Variants in GABRG3 observed in about 807,000 individuals in gnomAD.
GABRG3 encodes the protein gamma-aminobutyric acid receptor subunit gamma-3.
In GABRG3, 25 loss-of-function variants were observed where a neutral mutation model predicts 48.8. The observed-to-expected ratio is 0.51, with a 90% CI of 0.37 to 0.72. The LOEUF is 0.72. Among genes scored for constraint, GABRG3 ranks in the 30% least tolerant of loss-of-function variants. The pLI, the probability that GABRG3 is intolerant of heterozygous loss-of-function variation, is 0.00. For synonymous variants in GABRG3, 227 were observed against 217.6 expected (o/e 1.04, Z -0.38); for missense variants, 394 against 577.9 (o/e 0.68, Z 3.26).
At chr15:27,178,588 A>G (rs956205224) in intron 3 of GABRG3, among the ~76,000 whole-genome samples, 2 of 152,250 alleles carry the variant, frequency 1.3e-5, no homozygotes, top group Non-Finnish European at 2.9e-5. Flanking sequence ...TTTAACATGT[A>G]TATACAATAA....
intron 5 of GABRG3, among the ~76,000 whole-genome samples, chr15:27,459,831 G>GT (rs1889395666): frequency 6.6e-6 from 1 of 152,110 alleles, no homozygotes. Context: ...ATTTTCAGAA[G>GT]TTTTTCCCTC....
At chr15:27,413,363 T>A (rs940751033) in intron 5 of GABRG3, among the ~76,000 whole-genome samples, 15 of 152,158 alleles carry the variant, frequency 9.9e-5, no homozygotes, top group Non-Finnish European at 2.1e-4. Context: ...TAAGGTCAAT[T>A]AGAGTAAAAC....
At chr15:27,022,509 C>T (rs1451300736) in intron 2 of GABRG3, among the ~76,000 whole-genome samples, 1 of 152,172 alleles carries the variant, frequency 6.6e-6, no homozygotes, top group Non-Finnish European at 1.5e-5. Context: ...TAGCAGGAAT[C>T]TTGTACTATA....
At chr15:27,149,685 A>G (rs548224844) in intron 3 of GABRG3, among the ~76,000 whole-genome samples, 2 of 152,304 alleles carry the variant, frequency 1.3e-5, no homozygotes, top group East Asian at 3.9e-4. Flanking sequence ...AAACTCTTAC[A>G]TTTATGGTTG....
In GABRG3 at chr15:27,352,096, GATGTGTGTA is replaced by G. The variant is rs1894638474; in HGVS notation, c.574+23209_574+23217del. Among the ~76,000 whole-genome samples, 1 of 147,960 alleles carries G rather than the reference GATGTGTGTA, an allele frequency of 6.8e-6. No homozygotes were observed. The highest frequency in any genetic ancestry group is 1.5e-5 in the Non-Finnish European group (1 of 66,706). ...GTGTGTATGGTGCATGTGTGTGTATGATGTGTGTATGTATGGTGTGTGTGTATGTATGAT... is the reference window on the plus strand; with the variant it reads ...GTGTGTATGGTGCATGTGTGTGTATGTGTATGGTGTGTGTGTATGTATGAT... On this transcript the variant is annotated intron_variant, in intron 5 of 9. Transcript: ENST00000615808. The surrounding 1 kb of genome is among the most constrained non-coding windows in gnomAD (Gnocchi z 4.0).
At chr15:27,090,213 T>C (rs1420037887) in intron 3 of GABRG3, among the ~76,000 whole-genome samples, 3 of 152,252 alleles carry the variant, frequency 2.0e-5, no homozygotes, top group Non-Finnish European at 4.4e-5. Context: ...TTATAAAGTA[T>C]GTTTTGTGTT....
At chr15:27,238,006 G>A (rs1890026429) in intron 3 of GABRG3, among the ~76,000 whole-genome samples, 1 of 152,238 alleles carries the variant, frequency 6.6e-6, no homozygotes, top group Non-Finnish European at 1.5e-5. Flanking sequence ...AGGAGAAGGT[G>A]AGAAGAAGAG....
At chr15:27,252,689 A>G (rs572352323) in intron 3 of GABRG3, among the ~76,000 whole-genome samples, 234 of 152,104 alleles carry the variant, frequency 1.5e-3, no homozygotes, top group African/African-American at 5.1e-3. Flanking sequence ...GAGAGAGGGC[A>G]CCTCCCACCT....
intron 3 of GABRG3, among the ~76,000 whole-genome samples, chr15:27,292,589 G>A (rs1595644973): frequency 6.6e-6 from 1 of 152,088 alleles, no homozygotes; most frequent in Non-Finnish European, 1.5e-5. Context: ...AAATAGAATT[G>A]TACCATAATT....
At chr15:27,485,841 A>G (rs1890207286) in intron 6 of GABRG3, among the ~76,000 whole-genome samples, 1 of 152,150 alleles carries the variant, frequency 6.6e-6, no homozygotes. Flanking sequence ...TGAAATAGTG[A>G]TGTTTTCAGG....
At chr15:26,991,063 A>T (rs1170512752) in intron 2 of GABRG3, among the ~76,000 whole-genome samples, 1 of 152,128 alleles carries the variant, frequency 6.6e-6, no homozygotes, top group Non-Finnish European at 1.5e-5. Flanking sequence ...TTGGCCTCCC[A>T]AAGTGCTGTT....
chr15:27,403,856 G>C (rs938877636), intron 5 of GABRG3, among the ~76,000 whole-genome samples: 1 of 143,446 alleles, frequency 7.0e-6, no homozygotes, highest in African/African-American at 2.7e-5. Flanking sequence ...AGGTTGCAGT[G>C]AGCCGAGATC....
At chr15:27,353,229 A>C (rs935052510) in intron 5 of GABRG3, among the ~76,000 whole-genome samples, 2 of 151,834 alleles carry the variant, frequency 1.3e-5, no homozygotes, top group Non-Finnish European at 2.9e-5. Flanking sequence ...CTGGGAACAA[A>C]AGGCCAGTCC....
chr15:27,148,481 G>A (rs1344548652), intron 3 of GABRG3, among the ~76,000 whole-genome samples: 1 of 151,922 alleles, frequency 6.6e-6, no homozygotes, highest in African/African-American at 2.4e-5. Flanking sequence ...AGAAAGGAAT[G>A]CTTCCAAGCT....
rs375127327 is a variant in GABRG3, at chr15:27,236,384, T to C, written c.271-90425T>C. On this transcript the variant is annotated intron_variant, in intron 3 of 9. Transcript: ENST00000615808. The surrounding 1 kb of genome is among the most constrained non-coding windows in gnomAD (Gnocchi z 4.4). ...ACTGAATGGACCCCCTGACCCACTG[T>C]TGGCTGAGAGAAACCTTAGAAACTG... Among the ~76,000 whole-genome samples the C allele has an allele frequency of 2.4e-4, 37 of 152,288 alleles. No individual in the cohort carries two copies. Among genetic ancestry groups the C allele is most frequent in the African/African-American group, 8.4e-4 (35 of 41,566 alleles).
At chr15:27,496,660 A>G (rs34366812) in intron 6 of GABRG3, among the ~76,000 whole-genome samples, 16,867 of 152,236 alleles carry the variant, frequency 0.11, 1,204 homozygotes, top group Middle Eastern at 0.23. Flanking sequence ...GATAGGGTAA[A>G]GTATGTAGAC....
At chr15:27,260,227 T>G (rs528829324) in intron 3 of GABRG3, among the ~76,000 whole-genome samples, 8 of 152,304 alleles carry the variant, frequency 5.3e-5, no homozygotes, top group African/African-American at 1.9e-4. Context: ...CCTCTCTCCT[T>G]GGCTTGCAGA....
chr15:27,409,099 A>C (rs1436577183), intron 5 of GABRG3, among the ~76,000 whole-genome samples: 1 of 152,030 alleles, frequency 6.6e-6, no homozygotes, highest in Non-Finnish European at 1.5e-5. Flanking sequence ...GACAGAGCAA[A>C]ATTTTAATGT....
chr15:27,042,540 A>G (rs1896294852), intron 3 of GABRG3, among the ~76,000 whole-genome samples: 1 of 151,880 alleles, frequency 6.6e-6, no homozygotes, highest in Non-Finnish European at 1.5e-5. Context: ...CAGCTGGCTC[A>G]CCCTCCCTGG....
Sources: gnomAD v4.1 joint callset for allele counts (sites outside exome capture counted in the v4.1 genomes callset) on GRCh38, gnomAD v4.1.1 for gene constraint, Gnocchi (gnomAD v3.1) non-coding constraint, MANE v1.5 for transcripts, NCBI Gene and HGNC (gene_info 2026-07-23, HGNC 2026-07-21) for gene names.